KRABD3: variants seen among roughly 807,000 people sequenced by gnomAD.
The protein encoded by KRABD3 is KRAB domain containing 3.
At chr7:149,715,180 G>A in the KRABD3 span, 1 of 1,225,120 alleles carries the variant, frequency 8.2e-7, no homozygotes, top group Non-Finnish European at 1.0e-6. Context: ...AGGCTGGGCA[G>A]GCCTGATGCT....
chr7:149,718,424 A>G, the KRABD3 span, among the ~76,000 whole-genome samples: 8 of 151,488 alleles, frequency 5.3e-5, no homozygotes, highest in Non-Finnish European at 8.8e-5. Context: ...TAATTTGCAC[A>G]GTTAATTTTT....
the KRABD3 span, chr7:149,730,627 G>A: frequency 1.3e-6 from 2 of 1,572,014 alleles, no homozygotes; most frequent in Non-Finnish European, 1.7e-6. Flanking sequence ...CAGGAGTCCA[G>A]ACTGGATCCT....
the KRABD3 span, chr7:149,725,817 G>A: frequency 7.2e-7 from 1 of 1,385,792 alleles, no homozygotes; most frequent in East Asian, 2.5e-5. Context: ...TGGTGCCCGT[G>A]CACCCCATGG....
At chr7:149,718,293 A>G in the KRABD3 span, among the ~76,000 whole-genome samples, 1 of 152,106 alleles carries the variant, frequency 6.6e-6, no homozygotes, top group Non-Finnish European at 1.5e-5. Context: ...CAAGCGGTGA[A>G]TTGTCTTTGC....
At chr7:149,733,640 A>C in the KRABD3 span, 1 of 1,589,970 alleles carries the variant, frequency 6.3e-7, no homozygotes, top group South Asian at 1.1e-5. Context: ...AGAGAGCTGC[A>C]GGGCTGGTGA....
the KRABD3 span, among the ~76,000 whole-genome samples, chr7:149,725,652 G>A: frequency 6.6e-6 from 1 of 152,204 alleles, no homozygotes; most frequent in African/African-American, 2.4e-5. Context: ...CGCATGTGCT[G>A]AAAGCCAGTG....
At chr7:149,726,705 T>A in the KRABD3 span, among the ~76,000 whole-genome samples, 12 of 152,090 alleles carry the variant, frequency 7.9e-5, no homozygotes, top group East Asian at 2.3e-3. Flanking sequence ...CCCAAAGTGC[T>A]GGGATTATGG....
At chr7:149,731,807 C>A in the KRABD3 span, 2 of 1,532,680 alleles carry the variant, frequency 1.3e-6, no homozygotes, top group South Asian at 1.2e-5. Context: ...ATTCCCTCTG[C>A]ACGGGCCAGG....
At chr7:149,725,896 G>A in the KRABD3 span, 1 of 1,586,638 alleles carries the variant, frequency 6.3e-7, no homozygotes, top group Non-Finnish European at 8.6e-7. Flanking sequence ...GAAGCGACCA[G>A]AGAGCCTGTT....
chr7:149,723,772 G>T, the KRABD3 span: 1 of 1,613,910 alleles, frequency 6.2e-7, no homozygotes, highest in Non-Finnish European at 8.5e-7. Flanking sequence ...TCCCCTCCAG[G>T]GTCTGCTACA....
chr7:149,723,768 C>T, the KRABD3 span: 8 of 1,613,822 alleles, frequency 5.0e-6, no homozygotes, highest in Non-Finnish European at 6.8e-6. Context: ...ATTGTCCCCT[C>T]CAGGGTCTGC....
At chr7:149,726,735 G>A in the KRABD3 span, among the ~76,000 whole-genome samples, 11 of 152,036 alleles carry the variant, frequency 7.2e-5, no homozygotes, top group Admixed American at 2.0e-4. Flanking sequence ...ACCGCGCCCA[G>A]CCTGTACAGA....
chr7:149,727,908 C>T, the KRABD3 span, among the ~76,000 whole-genome samples: 1 of 152,190 alleles, frequency 6.6e-6, no homozygotes, highest in African/African-American at 2.4e-5. Flanking sequence ...AGGTTGCCCT[C>T]CCGCCCTGTG....
chr7:149,733,860 T>C, the KRABD3 span: 10 of 1,596,660 alleles, frequency 6.3e-6, no homozygotes, highest in Non-Finnish European at 2.6e-6. Flanking sequence ...CCTGCTGCCT[T>C]ACCCCTGCAG....
At chr7:149,730,430 A>G in the KRABD3 span, 5 of 1,590,084 alleles carry the variant, frequency 3.1e-6, no homozygotes, top group Admixed American at 7.1e-5. Context: ...GACGTTAGAG[A>G]GGGACCGCCT....
the KRABD3 span, chr7:149,733,538 C>T: frequency 1.1e-4 from 175 of 1,597,294 alleles, no homozygotes; most frequent in Middle Eastern, 1.6e-4. Flanking sequence ...ACGGGGACCT[C>T]GCTGGGCTCA....
the KRABD3 span, chr7:149,729,890 C>G: frequency 8.0e-7 from 1 of 1,250,942 alleles, no homozygotes; most frequent in Non-Finnish European, 1.0e-6. Context: ...AACCTGACTG[C>G]TAATGGCTTC....
the KRABD3 span, chr7:149,722,480 G>GC: frequency 2.0e-6 from 3 of 1,528,690 alleles, no homozygotes; most frequent in Non-Finnish European, 2.7e-6. Flanking sequence ...TGGGCGGGGA[G>GC]CCCAGCCCTC....
the KRABD3 span, among the ~76,000 whole-genome samples, chr7:149,731,514 C>T: frequency 6.6e-6 from 1 of 152,230 alleles, no homozygotes; most frequent in Non-Finnish European, 1.5e-5. Context: ...CGGGCCCTGC[C>T]ACCAGAATTA....
Sources: allele counts gnomAD v4.1 joint callset (sites outside exome capture counted in the v4.1 genomes callset), GRCh38; gene constraint gnomAD v4.1.1; transcripts MANE v1.5; gene names NCBI Gene and HGNC (gene_info 2026-07-23, HGNC 2026-07-21).